The following CTNNA3 variants were observed in gnomAD, a reference collection of about 807,000 sequenced individuals.
CTNNA3 encodes the protein catenin alpha-3.
CTNNA3 carries 76 observed loss-of-function variants against 95.7 expected under a neutral mutation model. The ratio of observed to expected loss-of-function variants is 0.79; its 90% CI spans 0.66 to 0.96. CTNNA3 has a LOEUF of 0.96. Ranked by LOEUF, CTNNA3 falls within the 40% of genes least tolerant of loss-of-function variation. The pLI is 0.00. For missense variants in CTNNA3, 1,191 were observed against 1,089.8 expected, an observed-to-expected ratio of 1.09 and a Z score of -1.31; for synonymous variants, 431 against 374.4, an observed-to-expected ratio of 1.15 and a Z score of -1.74.
intron 14 of CTNNA3, among the ~76,000 whole-genome samples, chr10:66,090,214 G>A (rs1206189940): frequency 6.6e-6 from 1 of 151,910 alleles, no homozygotes; most frequent in African/African-American, 2.4e-5. Flanking sequence ...CCATGTAAAG[G>A]ACTTTGTACA....
chr10:66,784,293 T>C (rs1237094363), intron 7 of CTNNA3, among the ~76,000 whole-genome samples: 2 of 150,210 alleles, frequency 1.3e-5, no homozygotes, highest in Non-Finnish European at 3.0e-5. Context: ...TAAAAATTTT[T>C]CCTTCAAGAT....
At chr10:67,072,106 C>T (rs140444369) in intron 7 of CTNNA3, among the ~76,000 whole-genome samples, 1,999 of 152,242 alleles carry the variant, frequency 0.013, 48 homozygotes, top group African/African-American at 0.045. Context: ...ACATGCACCA[C>T]CAAGCCCAGC....
chr10:66,900,923 C>T (rs184389927), intron 7 of CTNNA3, among the ~76,000 whole-genome samples: 1 of 152,210 alleles, frequency 6.6e-6, no homozygotes, highest in Admixed American at 6.5e-5. Context: ...GAAAGTGACA[C>T]GGAGAATGGA....
At chr10:67,396,032 A>C (rs1218860222) in intron 5 of CTNNA3, among the ~76,000 whole-genome samples, 1 of 152,222 alleles carries the variant, frequency 6.6e-6, no homozygotes, top group Non-Finnish European at 1.5e-5. Context: ...TGTTTGTAAA[A>C]TAAAAGCAGA....
At chr10:66,601,669 T>C (rs1843927819) in intron 10 of CTNNA3, among the ~76,000 whole-genome samples, 1 of 151,884 alleles carries the variant, frequency 6.6e-6, no homozygotes, top group Non-Finnish European at 1.5e-5. Context: ...TAATCCAAAA[T>C]GACAAATCTT....
intron 11 of CTNNA3, among the ~76,000 whole-genome samples, chr10:66,403,308 G>A (rs772724022): frequency 2.0e-5 from 3 of 151,092 alleles, no homozygotes; most frequent in Non-Finnish European, 4.4e-5. Context: ...TGGTATATTA[G>A]TCCATTCTTA....
chr10:66,260,774 T>G (rs2090968101), intron 13 of CTNNA3, among the ~76,000 whole-genome samples: 1 of 152,084 alleles, frequency 6.6e-6, no homozygotes, highest in Admixed American at 6.6e-5. Flanking sequence ...ATAATTGGAT[T>G]TAATTATATT....
rs1180262964 is a variant in CTNNA3 at position 66,561,875 on chromosome 10, G to C, written c.1375-41102C>G. 2.6e-5 allele frequency among the ~76,000 whole-genome samples: 4 copies of C among 152,022 alleles called. No individual in the cohort carries two copies. In the East Asian group the frequency reaches 7.7e-4, roughly 29 times the overall value. ...CACATTATCCTACATGATTTGAATTGCTCTATATTGTCAATAACCTTTAGT... is the reference window on the plus strand; with the variant it reads ...CACATTATCCTACATGATTTGAATTCCTCTATATTGTCAATAACCTTTAGT... On this transcript the variant is annotated intron_variant, in intron 10 of 17. Transcript: ENST00000433211.
intron 3 of CTNNA3, among the ~76,000 whole-genome samples, chr10:67,569,399 T>C (rs1304309250): frequency 6.6e-6 from 1 of 152,130 alleles, no homozygotes; most frequent in East Asian, 1.9e-4. Context: ...AGAAATTCTG[T>C]AAGCTGTGTA....
intron 6 of CTNNA3, among the ~76,000 whole-genome samples, chr10:67,219,389 T>C (rs920200718): frequency 1.3e-5 from 2 of 152,162 alleles, no homozygotes; most frequent in African/African-American, 4.8e-5. Flanking sequence ...TTCAAATTCA[T>C]TGGATTCCTT....
intron 7 of CTNNA3, among the ~76,000 whole-genome samples, chr10:67,148,854 C>T (rs920459068): frequency 5.3e-5 from 8 of 152,172 alleles, no homozygotes; most frequent in South Asian, 2.1e-4. Flanking sequence ...GCTGTAAGAA[C>T]TGGGTTTGTG....
At chr10:67,555,176 G>C (rs1261838918) in intron 3 of CTNNA3, among the ~76,000 whole-genome samples, 2 of 152,182 alleles carry the variant, frequency 1.3e-5, no homozygotes, top group African/African-American at 4.8e-5. Context: ...TCAGTTTGAA[G>C]TCTGGTAGTG....
chr10:67,496,954 T>A (rs1218887786), intron 5 of CTNNA3, among the ~76,000 whole-genome samples: 1 of 152,126 alleles, frequency 6.6e-6, no homozygotes, highest in East Asian at 1.9e-4. Context: ...AAATTACACT[T>A]TAAGTTCTGG....
chr10:66,087,061 C>T (rs577930165), intron 14 of CTNNA3, among the ~76,000 whole-genome samples: 3 of 152,152 alleles, frequency 2.0e-5, no homozygotes, highest in African/African-American at 7.2e-5. Context: ...TTCCTTCTTC[C>T]TTTTCCTTGT....
At chr10:66,484,173 G>C (rs1839643712) in intron 11 of CTNNA3, among the ~76,000 whole-genome samples, 1 of 149,874 alleles carries the variant, frequency 6.7e-6, no homozygotes, top group Non-Finnish European at 1.5e-5. Flanking sequence ...AAGAATCTGT[G>C]TCCAAAATTT....
rs924114879 is a variant in CTNNA3 at position 66,747,604 on chromosome 10, C to T, written c.1281+18660G>A. Among the ~76,000 whole-genome samples the T allele has an allele frequency of 6.6e-5, 10 of 152,236 alleles. No homozygotes were observed. The South Asian group carries it at 1.2e-3, about 19-fold the overall frequency. ...TCAGATCTAATCTTTCTTAGCTCCCCGCAGAAAATGTCTAAGACTGACCAC... is the reference window on the plus strand; with the variant it reads ...TCAGATCTAATCTTTCTTAGCTCCCTGCAGAAAATGTCTAAGACTGACCAC... On this transcript the variant is annotated intron_variant, in intron 9 of 17. Coordinates refer to ENST00000433211, the MANE Select transcript of CTNNA3 (RefSeq NM_013266.4).
chr10:67,711,056 T>C (rs1841104403), intron 1 of CTNNA3, among the ~76,000 whole-genome samples: 1 of 152,192 alleles, frequency 6.6e-6, no homozygotes, highest in African/African-American at 2.4e-5. Flanking sequence ...ACAAGTTCTT[T>C]TCTCTTGTCT....
At chr10:66,061,753 A>G (rs1328034424) in intron 15 of CTNNA3, among the ~76,000 whole-genome samples, 1 of 151,946 alleles carries the variant, frequency 6.6e-6, no homozygotes, top group Admixed American at 6.6e-5. Context: ...ATCACCTTCC[A>G]TGACTCAACC....
At chr10:66,439,914 G>T (rs865893344) in intron 11 of CTNNA3, among the ~76,000 whole-genome samples, 5 of 152,044 alleles carry the variant, frequency 3.3e-5, no homozygotes, top group South Asian at 2.1e-4. Flanking sequence ...ACTGAAATAA[G>T]AATTAATATT....
Sources: gnomAD v4.1 joint callset for allele counts (sites outside exome capture counted in the v4.1 genomes callset) on GRCh38, gnomAD v4.1.1 for gene constraint, MANE v1.5 for transcripts, NCBI Gene and HGNC (gene_info 2026-07-23, HGNC 2026-07-21) for gene names.